Variants in ULK4 observed in about 807,000 individuals in gnomAD.
ULK4 encodes the protein unc-51 like kinase 4.
ULK4 carries 133 observed loss-of-function variants against 160.6 expected under a neutral mutation model. That is an observed-to-expected ratio of 0.83 (90% CI 0.72 to 0.96). ULK4 has a LOEUF of 0.96. ULK4 is among the 40% of genes least tolerant of loss of function. ULK4 has a pLI of 0.00. For missense variants in ULK4, 1,580 were observed against 1,499.5 expected, an observed-to-expected ratio of 1.05 and a Z score of -0.89; for synonymous variants, 534 against 539.8, an observed-to-expected ratio of 0.99 and a Z score of 0.15.
intron 5 of ULK4, 72 bp from the exon 6 acceptor site, chr3:41,919,890 G>C (rs1699126345): frequency 1.2e-6 from 1 of 861,084 alleles, no homozygotes; most frequent in Admixed American, 2.3e-5. Context: ...ACCTAGGAAA[G>C]ATCTGATGAG....
chr3:41,528,782 C>G (rs889605605), intron 32 of ULK4, among the ~76,000 whole-genome samples: 5 of 152,120 alleles, frequency 3.3e-5, no homozygotes, highest in African/African-American at 1.2e-4. Flanking sequence ...TCCAGTTACC[C>G]AGTTTTGTCT....
intron 31 of ULK4, among the ~76,000 whole-genome samples, chr3:41,572,316 A>G (rs781598367): frequency 1.3e-5 from 2 of 152,162 alleles, no homozygotes; most frequent in Non-Finnish European, 2.9e-5. Context: ...GGAGGAACTG[A>G]AAGAAGCCCA....
chr3:41,549,867 G>A (rs972915146), intron 32 of ULK4, among the ~76,000 whole-genome samples: 2 of 152,018 alleles, frequency 1.3e-5, no homozygotes, highest in African/African-American at 4.8e-5. Context: ...AAGTCTAGAG[G>A]TCAGGAGACA....
In ULK4 at chr3:41,601,359, G is replaced by A. The variant is rs552865596; in HGVS notation, c.3120+14310C>T. Reference sequence around the variant, plus strand: ...AAAAACTGTCAGAGAATAAATGGGAGAGGGAAGACACATCTCCTTTATGGA... The same window carrying A: ...AAAAACTGTCAGAGAATAAATGGGAAAGGGAAGACACATCTCCTTTATGGA... On this transcript the variant is annotated intron_variant, in intron 31 of 36. Coordinates refer to ENST00000301831, the MANE Select transcript of ULK4 (RefSeq NM_017886.4). Among the ~76,000 whole-genome samples, 6 of 152,280 alleles carry A rather than the reference G, an allele frequency of 3.9e-5. No individual in the cohort carries two copies. In the South Asian group the frequency reaches 1.2e-3, roughly 32 times the overall value.
At chr3:41,827,715 G>C (rs1455187920) in intron 18 of ULK4, among the ~76,000 whole-genome samples, 3 of 152,252 alleles carry the variant, frequency 2.0e-5, no homozygotes, top group African/African-American at 7.2e-5. Flanking sequence ...AAATCTACCA[G>C]AGGTACAAGG....
chr3:41,897,473 C>T (rs1698200700), intron 14 of ULK4, among the ~76,000 whole-genome samples: 1 of 152,040 alleles, frequency 6.6e-6, no homozygotes, highest in African/African-American at 2.4e-5. Context: ...CTCCAAATCC[C>T]TATACAAAAA....
chr3:41,812,364 T>C (rs1344010519), intron 19 of ULK4, among the ~76,000 whole-genome samples: 1 of 151,978 alleles, frequency 6.6e-6, no homozygotes, highest in Non-Finnish European at 1.5e-5. Flanking sequence ...TCGTTACAGA[T>C]GTAAATGATC....
chr3:41,804,706 G>C lies in ULK4; in HGVS notation c.1849-4413C>G, dbSNP rs184200000. On this transcript the variant is annotated intron_variant, in intron 19 of 36. Coordinates refer to ENST00000301831, the MANE Select transcript of ULK4 (RefSeq NM_017886.4). ...AGTTTCAGCTTTCTACATATGGCTA[G>C]CCAGTTTTCCCAGCATCATTTATTA... Among the ~76,000 whole-genome samples the C allele has an allele frequency of 2.1e-3, 327 of 152,262 alleles. 2 individuals carry two copies. The highest frequency in any genetic ancestry group is 3.4e-3 in the Middle Eastern group (1 of 294).
rs565597047 is a variant in ULK4, at chr3:41,294,685, A to G, written c.3679-45111T>C. ...AAACAAGCCAAAAATGGCCTCTCTC[A>G]CCACTCCTTTTCGACATTGTCCTAA... On this transcript the variant is annotated intron_variant, in intron 35 of 36. Coordinates refer to ENST00000301831, the MANE Select transcript of ULK4 (RefSeq NM_017886.4). Among the ~76,000 whole-genome samples, 12 of 152,350 alleles carry G rather than the reference A, an allele frequency of 7.9e-5. No individual in the cohort carries two copies. The South Asian group carries it at 2.5e-3, about 32-fold the overall frequency.
chr3:41,943,046 T>G (rs559131948), intron 2 of ULK4, among the ~76,000 whole-genome samples: 1 of 151,828 alleles, frequency 6.6e-6, no homozygotes, highest in East Asian at 1.9e-4. Context: ...ACCCCATCTC[T>G]ACTAAAAATA....
At chr3:41,541,126 T>C (rs1051587570) in intron 32 of ULK4, among the ~76,000 whole-genome samples, 9 of 152,214 alleles carry the variant, frequency 5.9e-5, no homozygotes, top group African/African-American at 2.2e-4. Flanking sequence ...CTGAATGGTA[T>C]TGCTCAGGTT....
chr3:41,590,461 C>CAAAAAAA (rs71075479), intron 31 of ULK4, among the ~76,000 whole-genome samples: 12 of 56,884 alleles, frequency 2.1e-4, no homozygotes, highest in Non-Finnish European at 2.6e-4. Flanking sequence ...ACTAAAAATA[C>CAAAAAAA]AAAAAAAAAA....
At chr3:41,773,873 G>A (rs2039502571) in intron 21 of ULK4, among the ~76,000 whole-genome samples, 1 of 152,094 alleles carries the variant, frequency 6.6e-6, no homozygotes, top group Non-Finnish European at 1.5e-5. Context: ...CCAAAACAGA[G>A]ATATAGACCA....
chr3:41,920,016 A>T (rs945544687), intron 5 of ULK4, among the ~76,000 whole-genome samples, 198 bp from the exon 6 acceptor site: 16 of 152,126 alleles, frequency 1.1e-4, no homozygotes, highest in African/African-American at 3.9e-4. Context: ...GTGAATATAA[A>T]AAAGTGTTTA....
chr3:41,882,244 G>C (rs2125701923), intron 17 of ULK4: 1 of 702,964 alleles, frequency 1.4e-6, no homozygotes, highest in Non-Finnish European at 2.6e-6. Flanking sequence ...TGTTGAACAA[G>C]ACAGTTCAAA....
At chr3:41,696,294 A>G (rs1309725518) in intron 27 of ULK4, among the ~76,000 whole-genome samples, 2 of 152,180 alleles carry the variant, frequency 1.3e-5, no homozygotes, top group African/African-American at 4.8e-5. Flanking sequence ...TGCCTTTTAG[A>G]TAACAGTAGC....
At chr3:41,782,987 G>A (rs1346225228) in intron 21 of ULK4, among the ~76,000 whole-genome samples, 1 of 150,654 alleles carries the variant, frequency 6.6e-6, no homozygotes, top group African/African-American at 2.4e-5. Context: ...GGAGAAATAT[G>A]AGCCAGCAAA....
At chr3:41,652,686 G>A (rs6766940) in intron 30 of ULK4, among the ~76,000 whole-genome samples, 56,822 of 152,070 alleles carry the variant, frequency 0.37, 14,549 homozygotes, top group African/African-American at 0.73. Context: ...GATGGCAGGC[G>A]GAAACAGGAG....
chr3:41,368,201 C>A (rs1476792636), intron 35 of ULK4, among the ~76,000 whole-genome samples: 3 of 151,810 alleles, frequency 2.0e-5, no homozygotes, highest in Non-Finnish European at 4.4e-5. Flanking sequence ...GCGCCCACCA[C>A]GACGCCCGGC....
Sources: allele counts gnomAD v4.1 joint callset (sites outside exome capture counted in the v4.1 genomes callset), GRCh38; gene constraint gnomAD v4.1.1; transcripts MANE v1.5; gene names NCBI Gene and HGNC (gene_info 2026-07-23, HGNC 2026-07-21).